Variants in PIK3R5 observed in about 807,000 individuals in gnomAD.
PIK3R5 encodes the protein phosphoinositide-3-kinase regulatory subunit 5.
PIK3R5 carries 32 observed loss-of-function variants against 94.9 expected under a neutral mutation model. The observed-to-expected ratio is 0.34, with a 90% CI of 0.25 to 0.45. The LOEUF (loss-of-function observed/expected upper bound fraction) is 0.45. Ranked by LOEUF, PIK3R5 falls within the 20% of genes least tolerant of loss-of-function variation. PIK3R5 has a pLI of 1.00. For missense variants in PIK3R5, 853 were observed against 1,144.6 expected, an observed-to-expected ratio of 0.75 and a Z score of 3.68; for synonymous variants, 443 against 479.4, an observed-to-expected ratio of 0.92 and a Z score of 0.99.
chr17:8,926,995 C>T (rs2090895691), intron 1 of PIK3R5, among the ~76,000 whole-genome samples: 1 of 151,562 alleles, frequency 6.6e-6, no homozygotes, highest in Admixed American at 6.6e-5. Flanking sequence ...AACTACAAGC[C>T]CTGAACAATA....
rs2089626500 is a variant in PIK3R5, at chr17:8,880,480, C to A, written c.*159G>T. 5 of 676,532 alleles carry A rather than the reference C, an allele frequency of 7.4e-6. No individual in the cohort carries two copies. Among genetic ancestry groups the A allele is most frequent in the Admixed American group, 3.4e-5 (1 of 29,588 alleles). The allele number at this position is 676,532 out of a possible 1,614,324, so 41.9% of individuals were successfully genotyped here. On this transcript the variant is annotated 3_prime_UTR_variant, in exon 19 of 19. Coordinates refer to ENST00000447110, the MANE Select transcript of PIK3R5 (RefSeq NM_001142633.3). The stretch of plus-strand genomic sequence containing the variant: ...TTGCTTTCCCAGAACCCTGAGGCCC[C>A]AGAAACCCTCTACTCCCAGCCCCTG...
chr17:8,903,928 A>T (rs777743221), intron 5 of PIK3R5, among the ~76,000 whole-genome samples: 1 of 152,258 alleles, frequency 6.6e-6, no homozygotes, highest in Non-Finnish European at 1.5e-5. Context: ...GCATAGGCAA[A>T]TACCTATAAG....
chr17:8,946,512 T>TTCAGAGGCAGAAGGGCCC (rs1283270853), intron 1 of PIK3R5, among the ~76,000 whole-genome samples: 13 of 151,478 alleles, frequency 8.6e-5, no homozygotes, highest in Non-Finnish European at 1.8e-4. Context: ...ATCACAGCAA[T>TTCAGAGGCAGAAGGGCCC]TCAGAGGCAG....
At position 8,882,292 on chromosome 17, in the gene PIK3R5, G is replaced by C; in HGVS notation, c.2206-411C>G. ...GGGACCTCCATGTTGTTAAACCGAA[G>C]AACACTTCTTGGTCCTCAGCTTACT... On this transcript the variant is annotated intron_variant, in intron 15 of 18. Transcript: ENST00000447110. This position sits in a 1 kb window ranked among gnomAD's most constrained non-coding sequence, Gnocchi z 4.1. 1 of 202,584 alleles carries C rather than the reference G, an allele frequency of 4.9e-6. No homozygotes were observed. Among genetic ancestry groups the C allele is most frequent in the South Asian group, 8.9e-5 (1 of 11,294 alleles). The allele number at this position is 202,584 out of a possible 1,614,324, so 12.5% of individuals were successfully genotyped here.
chr17:8,925,972 G>A lies in PIK3R5; in HGVS notation c.-13-14465C>T, dbSNP rs943763028. Among the ~76,000 whole-genome samples, 3 of 152,202 alleles carry A rather than the reference G, an allele frequency of 2.0e-5. No homozygotes were observed. The highest frequency in any genetic ancestry group is 4.4e-5 in the Non-Finnish European group (3 of 68,032). ...ATTTGGGAGTTCACATGGTGCTGTG[G>A]TCACTGAGGCTGTGAACCATGTGAA... On this transcript the variant is annotated intron_variant, in intron 1 of 18. Transcript: ENST00000447110. The surrounding 1 kb of genome is among the most constrained non-coding windows in gnomAD (Gnocchi z 5.1).
intron 1 of PIK3R5, among the ~76,000 whole-genome samples, chr17:8,940,227 G>C (rs1369190402): frequency 6.6e-6 from 1 of 152,242 alleles, no homozygotes; most frequent in South Asian, 2.1e-4. Flanking sequence ...AGCTGGGCAC[G>C]TGGGAGGCCC....
At chr17:8,901,024 C>T (rs1245299771) in intron 5 of PIK3R5, among the ~76,000 whole-genome samples, 2 of 152,142 alleles carry the variant, frequency 1.3e-5, no homozygotes, top group East Asian at 1.9e-4. Flanking sequence ...TTTCTCTGAG[C>T]GTACTCGAAA....
intron 1 of PIK3R5, among the ~76,000 whole-genome samples, chr17:8,959,718 G>A (rs938134224): frequency 3.3e-5 from 5 of 152,198 alleles, no homozygotes; most frequent in African/African-American, 1.2e-4. Context: ...CCAGTGATAC[G>A]TCTGCACAGA....
At chr17:8,958,787 T>A (rs2091508202) in intron 1 of PIK3R5, among the ~76,000 whole-genome samples, 1 of 151,652 alleles carries the variant, frequency 6.6e-6, no homozygotes, top group African/African-American at 2.4e-5. Flanking sequence ...AGATGAAGTT[T>A]CCCTCTTGTT....
At chr17:8,936,287 G>C (rs1319465199) in intron 1 of PIK3R5, among the ~76,000 whole-genome samples, 2 of 152,118 alleles carry the variant, frequency 1.3e-5, no homozygotes, top group Non-Finnish European at 2.9e-5. Context: ...GAAGTCCACA[G>C]TGTGCGTTAG....
chr17:8,910,209 C>T (rs143397036), intron 2 of PIK3R5, among the ~76,000 whole-genome samples: 12 of 152,162 alleles, frequency 7.9e-5, no homozygotes, highest in African/African-American at 1.9e-4. Context: ...ACTTGAACTT[C>T]GTGGAGCTCA....
chr17:8,881,975 C>T lies in PIK3R5; in HGVS notation c.2206-94G>A. ...GCCCATCAGTGACAGGGGGTTGCCT[C>T]TAGTTAGCATATCCCCAGAAAGCCC... On this transcript the variant is annotated intron_variant, in intron 15 of 18. Transcript: ENST00000447110. The surrounding 1 kb of genome is among the most constrained non-coding windows in gnomAD (Gnocchi z 4.8). 1.1e-6 allele frequency: 1 copy of T among 911,386 alleles called. No individual in the cohort carries two copies. The highest frequency in any genetic ancestry group is 1.8e-6 in the Non-Finnish European group (1 of 566,560). 56.5% of individuals were successfully genotyped at this position (911,386 alleles called of 1,614,324 possible).
intron 5 of PIK3R5, among the ~76,000 whole-genome samples, chr17:8,899,911 G>A (rs538430992): frequency 3.3e-5 from 5 of 152,000 alleles, no homozygotes; most frequent in Non-Finnish European, 5.9e-5. Flanking sequence ...GGTGGTGCAC[G>A]CCTGTAGTCC....
chr17:8,959,860 AGAATGAAG>A (rs2091529731), intron 1 of PIK3R5, among the ~76,000 whole-genome samples: 1 of 152,364 alleles, frequency 6.6e-6, no homozygotes, highest in East Asian at 1.9e-4. Flanking sequence ...TAAGAGGAAC[AGAATGAAG>A]GCCTGGCAAA....
intron 5 of PIK3R5, among the ~76,000 whole-genome samples, chr17:8,895,699 CA>C (rs749902537): frequency 9.2e-5 from 14 of 152,192 alleles, no homozygotes; most frequent in Non-Finnish European, 1.9e-4. Flanking sequence ...GATTGTGCTA[CA>C]GTTAGAATCA....
chr17:8,893,086 TTGTG>T lies in PIK3R5; in HGVS notation c.482+496_482+499del, dbSNP rs1399603393. ...TGTGTGTGTGTGTGTGTGTGTGTGT[TTGTG>T]TATCAGGCTGTCATATAAAATGGAT... is the stretch of plus-strand genomic sequence containing the variant. On this transcript the variant is annotated intron_variant, in intron 6 of 18. Coordinates refer to ENST00000447110, the MANE Select transcript of PIK3R5 (RefSeq NM_001142633.3). This position sits in a 1 kb window ranked among gnomAD's most constrained non-coding sequence, Gnocchi z 5.1. Among the ~76,000 whole-genome samples, 1 of 78,944 alleles carries T rather than the reference TTGTG, an allele frequency of 1.3e-5. No homozygotes were observed. Among genetic ancestry groups the T allele is most frequent in the Admixed American group, 1.2e-4 (1 of 8,486 alleles). 51.8% of individuals were successfully genotyped at this position (78,944 alleles called of 152,430 possible).
At chr17:8,883,724 C>T (rs777091323) in intron 15 of PIK3R5, among the ~76,000 whole-genome samples, 24 of 152,228 alleles carry the variant, frequency 1.6e-4, no homozygotes, top group Non-Finnish European at 3.4e-4. Context: ...TCTCCTCATC[C>T]ATGTGTCACA....
chr17:8,933,110 C>CAAAAA (rs996312975), intron 1 of PIK3R5, among the ~76,000 whole-genome samples: 2 of 151,664 alleles, frequency 1.3e-5, no homozygotes, highest in African/African-American at 4.8e-5. Context: ...AAAAACAAAA[C>CAAAAA]AAAAAAAGGA....
Position 8,911,413 on chromosome 17 carries a change from G to A in PIK3R5, c.82C>T (p.Arg28Cys), listed in dbSNP as rs371789171. Residue 28 changes from arginine (R) to cysteine (C), a missense_variant, in exon 2 of 19, where the codon CGC (arginine) becomes TGC (cysteine). Physicochemically the swap from Arg to Cys is radical, Grantham distance 180 (BLOSUM62 -3). Coordinates refer to ENST00000447110, the MANE Select transcript of PIK3R5 (RefSeq NM_001142633.3). This position sits in a 1 kb window ranked among gnomAD's most constrained non-coding sequence, Gnocchi z 5.3. ...CGACCTGACCAGGAGGTGGAGCGGC[G>A]GCTGAGGCTGAGTCCATGCAGGCAG... ...ERCLHGLSLS[R>C]RSTSWSAGLC... 210 of 1,599,714 alleles carry A rather than the reference G, an allele frequency of 1.3e-4. No homozygotes were observed. Among genetic ancestry groups the A allele is most frequent in the Non-Finnish European group, 1.6e-4 (193 of 1,179,786 alleles).
Sources: allele counts gnomAD v4.1 joint callset (sites outside exome capture counted in the v4.1 genomes callset), GRCh38; gene constraint gnomAD v4.1.1; non-coding constraint Gnocchi (gnomAD v3.1); transcripts MANE v1.5; gene names NCBI Gene and HGNC (gene_info 2026-07-23, HGNC 2026-07-21).